CCAR1: variants seen among roughly 807,000 people sequenced by gnomAD.
The protein encoded by CCAR1 is cell division cycle and apoptosis regulator 1, also known as cell division cycle and apoptosis regulator protein 1.
In CCAR1, 78 loss-of-function variants were observed where a neutral mutation model predicts 163.8. The ratio of observed to expected loss-of-function variants is 0.48; its 90% confidence interval spans 0.40 to 0.57. CCAR1 has a LOEUF of 0.57. CCAR1 is among the 20% of genes least tolerant of loss of function. The pLI is 0.00. For synonymous variants in CCAR1, 443 were observed against 460.7 expected (o/e 0.96, Z 0.49); for missense variants, 1,019 against 1,365.2 (o/e 0.75, Z 4.00).
intron 17 of CCAR1, 64 bp downstream of exon 17, chr10:68,766,143 C>G (rs112378432): frequency 2.1e-6 from 2 of 933,176 alleles, no homozygotes. Flanking sequence ...GTTAATATAT[C>G]TCTATCTCTG....
chr10:68,766,133 G>T, intron 17 of CCAR1, 54 bp downstream of exon 17: 1 of 1,015,988 alleles, frequency 9.8e-7, no homozygotes, highest in Non-Finnish European at 1.5e-6. Context: ...ATTATGACTA[G>T]TTAATATATC....
At chr10:68,760,832 C>G (rs533961549) in intron 15 of CCAR1, 175 bp from the exon 16 acceptor site, 1 of 423,046 alleles carries the variant, frequency 2.4e-6, no homozygotes, top group East Asian at 3.9e-5. Context: ...CCACTGCACT[C>G]CAGCCTGGGC....
chr10:68,769,963 T>C (rs1196551147), intron 17 of CCAR1, among the ~76,000 whole-genome samples: 2 of 147,678 alleles, frequency 1.4e-5, no homozygotes, highest in African/African-American at 2.5e-5. Flanking sequence ...AAAAAAAAAA[T>C]TATATAGTTT....
chr10:68,788,255 G>T lies in CCAR1; in HGVS notation c.3114G>T (p.Leu1038Phe), dbSNP rs1446752841. 2 of 1,599,446 alleles carry T rather than the reference G, an allele frequency of 1.3e-6. No homozygotes were observed. Among genetic ancestry groups the T allele is most frequent in the East Asian group, 4.5e-5 (2 of 44,578 alleles). The change falls in exon 23 of 25, where the codon TTG becomes TTT. Residue 1038 changes from leucine (L) to phenylalanine (F), a missense_variant. Coordinates refer to ENST00000265872, the MANE Select transcript of CCAR1 (RefSeq NM_018237.4). The part of the protein sequence containing the change: ...NGAMVDVGSL[L>F]QKLEKSEKVR... Reference sequence around the variant, plus strand: ...CAATGGTAGATGTAGGAAGCCTCTTGCAAAAATTGGAAAAGAGCGAAAAAG... The same window carrying T: ...CAATGGTAGATGTAGGAAGCCTCTTTCAAAAATTGGAAAAGAGCGAAAAAG...
At chr10:68,766,195 GT>G in intron 17 of CCAR1, 116 bp downstream of exon 17, 1 of 670,256 alleles carries the variant, frequency 1.5e-6, no homozygotes, top group Non-Finnish European at 2.4e-6. Flanking sequence ...GGTTTTTTTT[GT>G]TTTGTTTTGT....
intron 24 of CCAR1, 117 bp downstream of exon 24, chr10:68,790,032 G>A (rs963174474): frequency 2.7e-5 from 17 of 624,828 alleles, no homozygotes; most frequent in Non-Finnish European, 3.4e-5. Context: ...AATAATGATA[G>A]CATTGTGACC....
chr10:68,722,676 G>A, intron 2 of CCAR1, 99 bp downstream of exon 2: 1 of 890,364 alleles, frequency 1.1e-6, no homozygotes, highest in African/African-American at 1.7e-5. Flanking sequence ...TGTTATCCTA[G>A]CACTTTGGGA....
At chr10:68,734,865 T>C (rs1025351455) in intron 2 of CCAR1, among the ~76,000 whole-genome samples, 17 of 152,166 alleles carry the variant, frequency 1.1e-4, no homozygotes, top group African/African-American at 3.9e-4. Flanking sequence ...GGTAAAAGGA[T>C]CAAGTAAAAC....
intron 4 of CCAR1, among the ~76,000 whole-genome samples, chr10:68,738,180 C>T (rs367775706): frequency 2.6e-5 from 4 of 152,132 alleles, no homozygotes; most frequent in African/African-American, 2.4e-5. Context: ...ACTGGGAAGC[C>T]GAGGCGGGCG....
intron 3 of CCAR1, among the ~76,000 whole-genome samples, 186 bp from the exon 4 acceptor site, chr10:68,737,659 C>T (rs531130599): frequency 1.6e-4 from 24 of 151,742 alleles, no homozygotes; most frequent in Non-Finnish European, 2.9e-4. Flanking sequence ...TTTCACTGTT[C>T]CAGAAAATTT....
chr10:68,761,748 A>G (rs2056473788), intron 16 of CCAR1, among the ~76,000 whole-genome samples: 1 of 151,194 alleles, frequency 6.6e-6, no homozygotes. Flanking sequence ...GATTACAGGC[A>G]TGCACCACTA....
chr10:68,759,832 A>C (rs540006018), intron 15 of CCAR1, among the ~76,000 whole-genome samples: 75 of 152,246 alleles, frequency 4.9e-4, no homozygotes, highest in African/African-American at 1.7e-3. Flanking sequence ...ATTCAATTAA[A>C]TTGATATACA....
rs374900889 is a variant in CCAR1, at chr10:68,791,204, T to A, written c.3394-3T>A. 2.6e-6 allele frequency: 4 copies of A among 1,549,890 alleles called. No homozygotes were observed. The highest frequency in any genetic ancestry group is 3.5e-6 in the Non-Finnish European group (4 of 1,126,956). On this transcript the variant is annotated splice_polypyrimidine_tract_variant and splice_region_variant and intron_variant, in intron 24 of 24. Transcript: ENST00000265872. ...TATTTTTTCCTTCTCTATTGTCTTA[T>A]AGGATAATGTAAAGAATGAAGACAA...
intron 16 of CCAR1, among the ~76,000 whole-genome samples, chr10:68,762,051 C>T (rs184955935): frequency 9.5e-4 from 144 of 151,828 alleles, no homozygotes; most frequent in African/African-American, 3.4e-3. Context: ...GTAAAAAGGC[C>T]GGGAGCGGTG....
intron 15 of CCAR1, 88 bp from the exon 16 acceptor site, chr10:68,760,919 A>T: frequency 2.1e-6 from 1 of 465,618 alleles, no homozygotes. Context: ...TGTTAATTGT[A>T]GCTAGTTTGT....
rs1284886181 is a variant in CCAR1 at position 68,772,988 on chromosome 10, A to G, written c.2539A>G (p.Lys847Glu). The G allele has an allele frequency of 7.6e-7, 1 of 1,322,918 alleles. No individual in the cohort carries two copies. The highest frequency in any genetic ancestry group is 1.3e-5 in the South Asian group (1 of 75,444). 81.9% of individuals were successfully genotyped at this position (1,322,918 alleles called of 1,614,324 possible). Reference protein sequence around the residue: ...DKKEDRDERKKEDKRKDDSKD... With the variant: ...DKKEDRDERKEEDKRKDDSKD... ...ATAATAAAGGCATTTTAAATTATAG[A>G]AAGAAGATAAAAGAAAAGATGATTC... Residue 847 changes from lysine to glutamate, a missense_variant and splice_region_variant, in exon 19 of 25, where the codon AAA (lysine) becomes GAA (glutamate). This residue lies in a region of CCAR1 where 358 missense variants were observed against 406.4 expected (regional missense o/e 0.88). Coordinates refer to ENST00000265872, the MANE Select transcript of CCAR1 (RefSeq NM_018237.4).
intron 23 of CCAR1, 38 bp from the exon 24 acceptor site, chr10:68,789,672 A>T: frequency 8.3e-7 from 1 of 1,204,568 alleles, no homozygotes; most frequent in Non-Finnish European, 1.2e-6. Context: ...TTGAAATTTT[A>T]GGAAGTAAAA....
intron 17 of CCAR1, among the ~76,000 whole-genome samples, chr10:68,767,937 A>G (rs1442651965): frequency 3.9e-5 from 6 of 152,260 alleles, no homozygotes; most frequent in Admixed American, 3.9e-4. Flanking sequence ...CCTTAAAAAT[A>G]GAATTTCCAA....
chr10:68,776,717 T>C (rs998693913), intron 19 of CCAR1, among the ~76,000 whole-genome samples: 2 of 152,180 alleles, frequency 1.3e-5, no homozygotes, highest in Middle Eastern at 3.2e-3. Context: ...TGCACCCAGC[T>C]GTTTAATTTT....
Sources: allele counts gnomAD v4.1 joint callset (sites outside exome capture counted in the v4.1 genomes callset), GRCh38; gene constraint gnomAD v4.1.1; regional missense constraint gnomAD v4.1.1; transcripts MANE v1.5; gene names NCBI Gene and HGNC (gene_info 2026-07-23, HGNC 2026-07-21).